The following MCTP1 variants were observed in gnomAD, a reference collection of about 807,000 sequenced individuals.
The protein encoded by MCTP1 is multiple C2 and transmembrane domain-containing protein 1.
Under a neutral mutation model 120.6 loss-of-function variants are expected in MCTP1, and 69 were observed. That is an observed-to-expected ratio of 0.57 (90% CI 0.47 to 0.70). The LOEUF (loss-of-function observed/expected upper bound fraction) is 0.70, where lower values mean the gene tolerates loss of function less well. Ranked by LOEUF, MCTP1 falls within the 30% of genes least tolerant of loss-of-function variation. The pLI, the probability that MCTP1 is intolerant of heterozygous loss-of-function variation, is 0.00. For synonymous variants in MCTP1, 529 were observed against 493.1 expected (o/e 1.07, Z -0.96); for missense variants, 1,203 against 1,248.8 (o/e 0.96, Z 0.55).
chr5:94,729,665 CAGG>C (rs1762774988), intron 19 of MCTP1, among the ~76,000 whole-genome samples: 1 of 152,132 alleles, frequency 6.6e-6, no homozygotes, highest in Non-Finnish European at 1.5e-5. Flanking sequence ...AGGAATTAAC[CAGG>C]AGAAGTGCAC....
chr5:95,084,760 T>G (rs898561208), intron 1 of MCTP1, among the ~76,000 whole-genome samples: 1 of 152,138 alleles, frequency 6.6e-6, no homozygotes, highest in African/African-American at 2.4e-5. Context: ...CCTAATTAAC[T>G]CAAAATCTAA....
intron 1 of MCTP1, among the ~76,000 whole-genome samples, chr5:95,121,768 G>A (rs1758257571): frequency 1.3e-5 from 2 of 151,860 alleles, no homozygotes; most frequent in South Asian, 4.2e-4. Flanking sequence ...CAGTAACATG[G>A]TACTGGCATA....
chr5:94,895,183 A>G (rs1211676652), intron 10 of MCTP1, among the ~76,000 whole-genome samples: 4 of 152,210 alleles, frequency 2.6e-5, no homozygotes, highest in South Asian at 2.1e-4. Context: ...TGTGCCATCT[A>G]GAGAGACCAA....
intron 5 of MCTP1, among the ~76,000 whole-genome samples, chr5:94,938,678 T>C (rs143207401): frequency 3.3e-5 from 5 of 152,192 alleles, no homozygotes; most frequent in Admixed American, 6.6e-5. Context: ...AGTTCTATTG[T>C]ATCCTAAGTG....
chr5:94,710,823 A>G lies in MCTP1; in HGVS notation c.2825T>C (p.Val942Ala). The change falls in exon 21 of 23, where the codon GTC (valine) becomes GCC (alanine). Residue 942 changes from valine to alanine, a missense_variant. Coordinates refer to ENST00000515393, the MANE Select transcript of MCTP1 (RefSeq NM_024717.7). Reference protein sequence around the residue: ...YCIPLRYIVLVWGINKFTKKL... With the variant: ...YCIPLRYIVLAWGINKFTKKL... ...GTGGGGGAGGCTTTACTTACCCCAG[A>G]CAAGGACAATGTATCTCAGCGGAAT... 1 of 1,610,196 alleles carries G rather than the reference A, an allele frequency of 6.2e-7. No individual in the cohort carries two copies. The highest frequency in any genetic ancestry group is 8.5e-7 in the Non-Finnish European group (1 of 1,177,152).
At chr5:95,129,222 G>A (rs1758851060) in intron 1 of MCTP1, among the ~76,000 whole-genome samples, 1 of 152,136 alleles carries the variant, frequency 6.6e-6, no homozygotes, top group Non-Finnish European at 1.5e-5. Flanking sequence ...TAGCACTGGG[G>A]GCAAAAATCA....
chr5:95,000,363 G>T (rs1833435642), intron 2 of MCTP1, among the ~76,000 whole-genome samples: 1 of 151,998 alleles, frequency 6.6e-6, no homozygotes, highest in South Asian at 2.1e-4. Context: ...AAAGTTAACT[G>T]CAAAACAGTC....
chr5:95,105,149 G>A (rs1442431500), intron 1 of MCTP1, among the ~76,000 whole-genome samples: 1 of 152,192 alleles, frequency 6.6e-6, no homozygotes, highest in Non-Finnish European at 1.5e-5. Flanking sequence ...TAGCAGCTCT[G>A]AGCCAGTTAG....
intron 1 of MCTP1, among the ~76,000 whole-genome samples, chr5:95,104,337 G>A (rs1350469799): frequency 6.6e-6 from 1 of 151,238 alleles, no homozygotes; most frequent in Non-Finnish European, 1.5e-5. Context: ...CTAAGTTTGA[G>A]GTTTTATTCA....
At chr5:94,715,043 T>TAA (rs1758571983) in intron 19 of MCTP1, among the ~76,000 whole-genome samples, 157 bp from the exon 20 acceptor site, 1 of 151,982 alleles carries the variant, frequency 6.6e-6, no homozygotes, top group African/African-American at 2.4e-5. Context: ...TATCAGGATT[T>TAA]AAAGGAAGAT....
intron 17 of MCTP1, among the ~76,000 whole-genome samples, chr5:94,824,334 G>A (rs1786441217): frequency 6.6e-6 from 1 of 152,216 alleles, no homozygotes; most frequent in South Asian, 2.1e-4. Context: ...CTGTTTTTGT[G>A]ATGGATTACG....
intron 3 of MCTP1, among the ~76,000 whole-genome samples, chr5:94,952,192 A>AAAAAAAAAAAAAAAAAAAG (rs1561912862): frequency 7.0e-6 from 1 of 143,410 alleles, no homozygotes; most frequent in Non-Finnish European, 1.5e-5. Context: ...AAAAAAAAAA[A>AAAAAAAAAAAAAAAAAAAG]AGCTATTGAA....
At chr5:95,124,348 A>C (rs764884123) in intron 1 of MCTP1, among the ~76,000 whole-genome samples, 1 of 152,254 alleles carries the variant, frequency 6.6e-6, no homozygotes, top group African/African-American at 2.4e-5. Context: ...AGCACATGCT[A>C]TCTGTCAAGA....
At chr5:94,813,592 G>A (rs1032061155) in intron 17 of MCTP1, among the ~76,000 whole-genome samples, 44 of 152,038 alleles carry the variant, frequency 2.9e-4, no homozygotes, top group South Asian at 6.2e-4. Context: ...TAATCAAAAT[G>A]TGCTATATCC....
chr5:95,088,548 T>A (rs1562133292), intron 1 of MCTP1, among the ~76,000 whole-genome samples: 1 of 152,208 alleles, frequency 6.6e-6, no homozygotes, highest in African/African-American at 2.4e-5. Flanking sequence ...TTTTACAAAC[T>A]GATGCTTACG....
At chr5:95,190,840 C>T (rs952507019) in intron 1 of MCTP1, among the ~76,000 whole-genome samples, 1 of 151,934 alleles carries the variant, frequency 6.6e-6, no homozygotes, top group Non-Finnish European at 1.5e-5. Flanking sequence ...TAAAAACTAA[C>T]TTTTAACAAC....
chr5:95,114,842 C>A (rs1757701482), intron 1 of MCTP1, among the ~76,000 whole-genome samples: 6 of 152,130 alleles, frequency 3.9e-5, no homozygotes, highest in Admixed American at 3.9e-4. Context: ...GGGCTTTAGG[C>A]AAGATCAAGT....
chr5:94,959,682 G>T (rs1823636614), intron 2 of MCTP1, among the ~76,000 whole-genome samples: 1 of 152,100 alleles, frequency 6.6e-6, no homozygotes, highest in Non-Finnish European at 1.5e-5. Flanking sequence ...GCTACAAAGA[G>T]AATACAATAC....
chr5:94,741,762 A>C (rs1765576346), intron 19 of MCTP1, among the ~76,000 whole-genome samples: 1 of 152,226 alleles, frequency 6.6e-6, no homozygotes, highest in South Asian at 2.1e-4. Flanking sequence ...AGCCTATAAG[A>C]GCAGAATTCT....
Sources: gnomAD v4.1 joint callset for allele counts (sites outside exome capture counted in the v4.1 genomes callset) on GRCh38, gnomAD v4.1.1 for gene constraint, MANE v1.5 for transcripts, NCBI Gene and HGNC (gene_info 2026-07-23, HGNC 2026-07-21) for gene names.